The following MARS1 variants were observed in gnomAD, a reference collection of about 807,000 sequenced individuals.
MARS1 encodes the protein methionyl-tRNA synthetase 1.
Under a neutral mutation model 119.5 loss-of-function variants are expected in MARS1, and 80 were observed. The ratio of observed to expected loss-of-function variants is 0.67; its 90% CI spans 0.56 to 0.81. The LOEUF is 0.81. Among genes scored for constraint, MARS1 ranks in the 30% least tolerant of loss-of-function variants. MARS1 has a pLI of 0.00. For synonymous variants in MARS1, 418 were observed against 433.4 expected (o/e 0.96, Z 0.44); for missense variants, 945 against 1,116.5 (o/e 0.85, Z 2.19).
At chr12:57,509,612 G>GC (rs1877411751) in intron 11 of MARS1, among the ~76,000 whole-genome samples, 1 of 152,102 alleles carries the variant, frequency 6.6e-6, no homozygotes. Flanking sequence ...GTTTCACCAT[G>GC]TTGGCCAGGC....
At chr12:57,493,782 T>TTATATATTATAA (rs1876348841) in intron 7 of MARS1, among the ~76,000 whole-genome samples, 1 of 1,862 alleles carries the variant, frequency 5.4e-4, no homozygotes, top group Non-Finnish European at 8.1e-4. Flanking sequence ...ATAATATATA[T>TTATATATTATAA]TATATATTAT....
At chr12:57,499,672 G>A (rs1876826483) in intron 9 of MARS1, among the ~76,000 whole-genome samples, 3 of 151,628 alleles carry the variant, frequency 2.0e-5, no homozygotes, top group Admixed American at 1.3e-4. Context: ...AGGCCGAGGT[G>A]GGTGGATCAC....
At chr12:57,495,176 GC>G (rs1876535140) in intron 7 of MARS1, among the ~76,000 whole-genome samples, 1 of 147,854 alleles carries the variant, frequency 6.8e-6, no homozygotes, top group Admixed American at 6.7e-5. Context: ...GGCGGGGGCT[GC>G]CCCCCACCTC....
intron 19 of MARS1, 27 bp downstream of exon 19, chr12:57,516,018 G>A (rs368219266): frequency 1.4e-5 from 22 of 1,608,550 alleles, no homozygotes; most frequent in South Asian, 4.4e-5. Context: ...CTGTGCCCTC[G>A]CTCCACAACA....
chr12:57,514,452 C>T (rs553808500), intron 15 of MARS1, among the ~76,000 whole-genome samples: 2 of 152,234 alleles, frequency 1.3e-5, no homozygotes, highest in African/African-American at 2.4e-5. Context: ...TGAGCCACTG[C>T]GCCCGGCCGA....
In MARS1 at chr12:57,498,598, C is replaced by T. The variant is rs1311482415; in HGVS notation, c.1066C>T (p.Arg356Cys). Residue 356 changes from arginine (R) to cysteine (C), a missense_variant, in exon 9 of 21, where the codon CGC becomes TGC. Coordinates refer to ENST00000262027, the MANE Select transcript of MARS1 (RefSeq NM_004990.4). Reference sequence around the variant, plus strand: ...TAACATTTCGTTTGATATTTTTGGTCGCACCACCACTCCACAGCAGACCAA... The same window carrying T: ...TAACATTTCGTTTGATATTTTTGGTTGCACCACCACTCCACAGCAGACCAA... ...WFNISFDIFG[R>C]TTTPQQTKIT... 6.2e-7 allele frequency: 1 copy of T among 1,614,066 alleles called. No homozygotes were observed. Among genetic ancestry groups the T allele is most frequent in the Non-Finnish European group, 8.5e-7 (1 of 1,180,026 alleles).
rs975912647 is a variant in MARS1, at chr12:57,488,074, G to T, written c.-17G>T. The T allele has an allele frequency of 5.6e-6, 9 of 1,610,610 alleles. No homozygotes were observed. The Admixed American group carries it at 8.3e-5, about 15-fold the overall frequency. ...GGAGGCCGGTTCCGGTTGCATCAGC[G>T]AGGGATTCACGGCGAAATGAGACTG... On this transcript the variant is annotated 5_prime_UTR_variant, in exon 1 of 21. Coordinates refer to ENST00000262027, the MANE Select transcript of MARS1 (RefSeq NM_004990.4).
At chr12:57,505,428 C>T (rs373384834) in intron 11 of MARS1, among the ~76,000 whole-genome samples, 39 of 152,008 alleles carry the variant, frequency 2.6e-4, no homozygotes, top group African/African-American at 9.2e-4. Context: ...TCCCAGTGTG[C>T]AGGGATTACA....
chr12:57,511,142 T>TAA (rs368042156), intron 11 of MARS1, among the ~76,000 whole-genome samples: 169 of 148,994 alleles, frequency 1.1e-3, no homozygotes, highest in African/African-American at 3.1e-3. Flanking sequence ...TTTTAAAAAT[T>TAA]AAAAAAAAAA....
chr12:57,504,091 G>T, intron 10 of MARS1, 134 bp from the exon 11 acceptor site: 1 of 654,778 alleles, frequency 1.5e-6, no homozygotes, highest in East Asian at 2.7e-5. Flanking sequence ...CCACATAGTA[G>T]AGTTATTGGA....
chr12:57,512,050 A>C lies in MARS1; in HGVS notation c.1582A>C (p.Ile528Leu). 1 of 1,614,178 alleles carries C rather than the reference A, an allele frequency of 6.2e-7. No individual in the cohort carries two copies. Among genetic ancestry groups the C allele is most frequent in the Non-Finnish European group, 8.5e-7 (1 of 1,180,034 alleles). The change falls in exon 13 of 21, where the codon ATC becomes CTC. Residue 528 changes from isoleucine (I) to leucine (L), a missense_variant. Ile to Leu is a conservative substitution (Grantham distance 5). Coordinates refer to ENST00000262027, the MANE Select transcript of MARS1 (RefSeq NM_004990.4). ...WFDATIGYLS[I>L]TANYTDQWER... is the part of the protein sequence containing the mutation. ...TGATGCCACTATTGGCTATCTGTCCATCACAGCCAACTACACAGACCAGTG... is the reference window on the plus strand; with the variant it reads ...TGATGCCACTATTGGCTATCTGTCCCTCACAGCCAACTACACAGACCAGTG...
At chr12:57,495,659 G>T (rs973812802) in intron 7 of MARS1, among the ~76,000 whole-genome samples, 1 of 151,714 alleles carries the variant, frequency 6.6e-6, no homozygotes, top group Non-Finnish European at 1.5e-5. Context: ...CAGCTGGGAG[G>T]TGGAGGTTGT....
intron 4 of MARS1, 33 bp downstream of exon 4, chr12:57,489,591 G>C (rs1359683082): frequency 5.0e-6 from 8 of 1,613,402 alleles, no homozygotes; most frequent in Non-Finnish European, 6.8e-6. Flanking sequence ...GACTGGGGAA[G>C]GCTTATGGTG....
intron 7 of MARS1, among the ~76,000 whole-genome samples, chr12:57,495,832 C>T (rs373329965): frequency 2.6e-5 from 4 of 152,180 alleles, no homozygotes; most frequent in African/African-American, 9.6e-5. Context: ...AACCCCGTCT[C>T]CACCAAAAAA....
intron 7 of MARS1, among the ~76,000 whole-genome samples, chr12:57,493,994 C>T (rs1436886044): frequency 1.6e-5 from 2 of 125,856 alleles, no homozygotes; most frequent in Non-Finnish European, 3.2e-5. Flanking sequence ...TTCGCCTTGT[C>T]ATCCAGTCTG....
Position 57,515,980 on chromosome 12 carries a change from G to A in MARS1, c.2452G>A (p.Gly818Arg), listed in dbSNP as rs1055485510. The change falls in exon 19 of 21, where the codon GGA becomes AGA. Residue 818 changes from glycine (G) to arginine (R), a missense_variant. Transcript: ENST00000262027. Reference sequence around the variant, plus strand: ...GATTGAAAGTTTAAGGCAGCGCTTTGGAGGGGGCCAGGTGAGAAAGCTAAA... The same window carrying A: ...GATTGAAAGTTTAAGGCAGCGCTTTAGAGGGGGCCAGGTGAGAAAGCTAAA... The part of the protein sequence containing the change: ...DQIESLRQRF[G>R]GGQAKTSPKP... The A allele has an allele frequency of 6.2e-7, 1 of 1,614,174 alleles. No individual in the cohort carries two copies. The highest frequency in any genetic ancestry group is 8.5e-7 in the Non-Finnish European group (1 of 1,180,022).
chr12:57,500,992 A>G (rs1284149163), intron 10 of MARS1, among the ~76,000 whole-genome samples: 2 of 152,272 alleles, frequency 1.3e-5, no homozygotes, highest in Non-Finnish European at 2.9e-5. Flanking sequence ...GAAATGATAT[A>G]GAATAAACTG....
At chr12:57,493,115 T>G (rs1200093782) in intron 7 of MARS1, among the ~76,000 whole-genome samples, 1 of 151,156 alleles carries the variant, frequency 6.6e-6, no homozygotes, top group East Asian at 1.9e-4. Context: ...CATTGTCATA[T>G]TATGTTGTAA....
chr12:57,511,700 G>C lies in MARS1; in HGVS notation c.1371G>C (p.Leu457=). The C allele has an allele frequency of 1.2e-6, 2 of 1,614,148 alleles. No homozygotes were observed. The highest frequency in any genetic ancestry group is 1.7e-6 in the Non-Finnish European group (2 of 1,179,986). ...GCCCTCTTTCTCCGTTATCTCAGCT[G>C]GAGAAGCGACTGGAGGAGTGGTTGG... The part of the protein sequence containing the change: ...SQHLFLDLPK[L]EKRLEEWLGR... The change falls in exon 12 of 21, where the codon CTG becomes CTC. Residue 457 remains leucine (L), a splice_region_variant and synonymous_variant. Coordinates refer to ENST00000262027, the MANE Select transcript of MARS1 (RefSeq NM_004990.4).
Sources: allele counts gnomAD v4.1 joint callset (sites outside exome capture counted in the v4.1 genomes callset), GRCh38; gene constraint gnomAD v4.1.1; transcripts MANE v1.5; gene names NCBI Gene and HGNC (gene_info 2026-07-23, HGNC 2026-07-21).